The following CRTC1 variants were observed in gnomAD, a reference collection of about 807,000 sequenced individuals.
CRTC1 encodes the protein CREB-regulated transcription coactivator 1.
A neutral mutation model predicts 66.1 loss-of-function variants in CRTC1; 18 were observed. The observed-to-expected ratio is 0.27, with a 90% CI of 0.19 to 0.40. The LOEUF (loss-of-function observed/expected upper bound fraction) is 0.40, where lower values mean the gene tolerates loss of function less well. Ranked by LOEUF, CRTC1 falls within the 10% of genes least tolerant of loss-of-function variation. The pLI is 1.00. For missense variants in CRTC1, 669 were observed against 887.9 expected, an observed-to-expected ratio of 0.75 and a Z score of 3.13; for synonymous variants, 416 against 398.8, an observed-to-expected ratio of 1.04 and a Z score of -0.51.
intron 1 of CRTC1, among the ~76,000 whole-genome samples, chr19:18,723,502 C>T (rs2053674704): frequency 6.6e-6 from 1 of 152,216 alleles, no homozygotes; most frequent in African/African-American, 2.4e-5. Context: ...CACCACAGCC[C>T]AGAGGTGCGG....
At chr19:18,709,987 A>G (rs1379840863) in intron 1 of CRTC1, among the ~76,000 whole-genome samples, 1 of 152,032 alleles carries the variant, frequency 6.6e-6, no homozygotes, top group Non-Finnish European at 1.5e-5. Context: ...CACAAAGCTC[A>G]GCTCTCTTGA....
intron 1 of CRTC1, among the ~76,000 whole-genome samples, chr19:18,696,967 A>C (rs1451117348): frequency 6.6e-6 from 1 of 152,044 alleles, no homozygotes; most frequent in African/African-American, 2.4e-5. Flanking sequence ...CTTGGAGCTC[A>C]TGGGATAGAA....
intron 4 of CRTC1, among the ~76,000 whole-genome samples, chr19:18,749,146 C>T (rs2054309263): frequency 1.3e-5 from 2 of 152,168 alleles, no homozygotes; most frequent in Non-Finnish European, 2.9e-5. Flanking sequence ...AATGCGGTCC[C>T]TGGAGGTAGA....
intron 4 of CRTC1, 96 bp from the exon 5 acceptor site, chr19:18,749,685 C>T: frequency 1.0e-6 from 1 of 997,752 alleles, no homozygotes; most frequent in Non-Finnish European, 1.6e-6. Flanking sequence ...TCCACAGCTG[C>T]CACCCTGTCC....
intron 1 of CRTC1, among the ~76,000 whole-genome samples, chr19:18,736,752 C>A (rs1021140705): frequency 6.6e-6 from 1 of 152,166 alleles, no homozygotes; most frequent in Non-Finnish European, 1.5e-5. Context: ...CAGCACTTCC[C>A]TCCCTGGCCC....
intron 1 of CRTC1, among the ~76,000 whole-genome samples, chr19:18,716,001 G>A (rs895552122): frequency 6.6e-6 from 1 of 152,206 alleles, no homozygotes; most frequent in Non-Finnish European, 1.5e-5. Flanking sequence ...GTTGGCGGGG[G>A]GGGTGTCGCC....
intron 1 of CRTC1, among the ~76,000 whole-genome samples, chr19:18,705,781 A>G (rs924719278): frequency 1.5e-5 from 2 of 133,204 alleles, no homozygotes; most frequent in African/African-American, 6.0e-5. Flanking sequence ...GTCTACTAAT[A>G]TTTACTAATC....
At chr19:18,765,609 G>T in intron 9 of CRTC1, 81 bp downstream of exon 9, 1 of 1,382,526 alleles carries the variant, frequency 7.2e-7, no homozygotes, top group African/African-American at 1.4e-5. Flanking sequence ...AAGGCCTCCT[G>T]TTCCTTCCAG....
chr19:18,719,706 C>T (rs2053580641), intron 1 of CRTC1, among the ~76,000 whole-genome samples: 1 of 152,238 alleles, frequency 6.6e-6, no homozygotes. Flanking sequence ...TCCGCCTCGA[C>T]CGGAGGTGGC....
rs1474828731 is a variant in CRTC1 at position 18,777,087 on chromosome 19, G to A, written c.1694-84G>A. ...GCATACCCAGGGGACAGAGTCGCCC[G>A]GCGGGCATGCCTGGTCCGACACATG... On this transcript the variant is annotated intron_variant, in intron 13 of 13. Coordinates refer to ENST00000321949, the MANE Select transcript of CRTC1 (RefSeq NM_015321.3). This position sits in a 1 kb window ranked among gnomAD's most constrained non-coding sequence, Gnocchi z 5.5. 22 of 777,870 alleles carry A rather than the reference G, an allele frequency of 2.8e-5. No homozygotes were observed. The highest frequency in any genetic ancestry group is 1.0e-4 in the African/African-American group (6 of 58,946). The allele number at this position is 777,870 out of a possible 1,614,324, so 48.2% of individuals were successfully genotyped here. A position where few individuals can be genotyped will look rare whatever the true frequency, so the allele number is the denominator to read the frequency against.
chr19:18,743,276 G>A (rs1005286070), intron 2 of CRTC1, among the ~76,000 whole-genome samples: 4 of 152,260 alleles, frequency 2.6e-5, no homozygotes, highest in Non-Finnish European at 5.9e-5. Flanking sequence ...TTCGGCAGCC[G>A]CTACACCTGT....
At position 18,777,634 on chromosome 19, in the gene CRTC1, C is replaced by T. The variant is rs886944561; in HGVS notation, c.*252C>T. ...ATCGGAGGCCGTGAGCCTCCCGCCC[C>T]TGCAGACCCTCCCTGCACTGGCTCC... is the stretch of plus-strand genomic sequence containing the variant. On this transcript the variant is annotated 3_prime_UTR_variant, in exon 14 of 14. Coordinates refer to ENST00000321949, the MANE Select transcript of CRTC1 (RefSeq NM_015321.3). The surrounding 1 kb of genome is among the most constrained non-coding windows in gnomAD (Gnocchi z 5.5). The T allele has an allele frequency of 1.2e-5, 6 of 509,046 alleles. No homozygotes were observed. The highest frequency in any genetic ancestry group is 1.0e-4 in the African/African-American group (5 of 48,548). 31.5% of individuals were successfully genotyped at this position (509,046 alleles called of 1,614,324 possible).
At chr19:18,686,615 C>T (rs1357319463) in intron 1 of CRTC1, among the ~76,000 whole-genome samples, 1 of 152,198 alleles carries the variant, frequency 6.6e-6, no homozygotes, top group Non-Finnish European at 1.5e-5. Flanking sequence ...TCACTGTACT[C>T]CAGCCTTGGC....
Position 18,760,166 on chromosome 19 carries a change from CCAG to C in CRTC1, c.830_832del (p.Ser277del), listed in dbSNP as rs1229187319. ...CCCACCTTCCCTGCACTGAGCAGCT[CCAG>C]CAGCACCGGCAACCTCGCGGCCAAC... On this transcript the variant is annotated inframe_deletion, in exon 8 of 14. Coordinates refer to ENST00000321949, the MANE Select transcript of CRTC1 (RefSeq NM_015321.3). The surrounding 1 kb of genome is among the most constrained non-coding windows in gnomAD (Gnocchi z 6.2). The C allele has an allele frequency of 2.5e-6, 4 of 1,613,590 alleles. No homozygotes were observed. Among genetic ancestry groups the C allele is most frequent in the Non-Finnish European group, 3.4e-6 (4 of 1,179,802 alleles).
chr19:18,769,554 G>A (rs1487357550), intron 10 of CRTC1, among the ~76,000 whole-genome samples: 7 of 152,216 alleles, frequency 4.6e-5, no homozygotes, highest in African/African-American at 1.7e-4. Flanking sequence ...AGGTGAGCCT[G>A]TGGGTAGACA....
chr19:18,740,437 C>T (rs184804919), intron 1 of CRTC1, among the ~76,000 whole-genome samples: 4 of 152,276 alleles, frequency 2.6e-5, no homozygotes, highest in South Asian at 2.1e-4. Context: ...GTCCTGTAGA[C>T]GTGGCTGACC....
intron 8 of CRTC1, among the ~76,000 whole-genome samples, chr19:18,763,569 C>G (rs2054661821): frequency 6.6e-6 from 1 of 152,178 alleles, no homozygotes. Context: ...CAGAAGTCAC[C>G]CCCATTGTTA....
chr19:18,742,460 A>C (rs1173804284), intron 1 of CRTC1, among the ~76,000 whole-genome samples: 1 of 152,032 alleles, frequency 6.6e-6, no homozygotes, highest in Non-Finnish European at 1.5e-5. Flanking sequence ...GGCCATCACC[A>C]CGCTTCTGAG....
In CRTC1 at chr19:18,683,702, G is replaced by A; in HGVS notation, c.-1G>A. 2 of 1,399,248 alleles carry A rather than the reference G, an allele frequency of 1.4e-6. No individual in the cohort carries two copies. The highest frequency in any genetic ancestry group is 1.9e-6 in the Non-Finnish European group (2 of 1,051,854). The allele number at this position is 1,399,248 out of a possible 1,614,324, so 86.7% of individuals were successfully genotyped here. A position where few individuals can be genotyped will look rare whatever the true frequency, so the allele number is the denominator to read the frequency against. On this transcript the variant is annotated 5_prime_UTR_variant, in exon 1 of 14. Coordinates refer to ENST00000321949, the MANE Select transcript of CRTC1 (RefSeq NM_015321.3). ...GAGGAGGAGGAGGTGGCGGCGAGAAGATGGCGACTTCGAACAATCCGCGGA... is the reference window on the plus strand; with the variant it reads ...GAGGAGGAGGAGGTGGCGGCGAGAAAATGGCGACTTCGAACAATCCGCGGA...
Sources: allele counts gnomAD v4.1 joint callset (sites outside exome capture counted in the v4.1 genomes callset), GRCh38; gene constraint gnomAD v4.1.1; non-coding constraint Gnocchi (gnomAD v3.1); transcripts MANE v1.5; gene names NCBI Gene and HGNC (gene_info 2026-07-23, HGNC 2026-07-21).